Variants in ALK observed in about 807,000 individuals in gnomAD.
ALK encodes ALK tyrosine kinase receptor.
Under a neutral mutation model 163.1 loss-of-function variants are expected in ALK, and 74 were observed. The ratio of observed to expected loss-of-function variants is 0.45; its 90% CI spans 0.38 to 0.55. ALK has a LOEUF of 0.55. ALK is among the 20% of genes least tolerant of loss of function. The probability of loss-of-function intolerance (pLI) is 0.00; values close to 1 mark genes in which losing one functional copy is unlikely to be tolerated. For missense variants in ALK, 2,063 were observed against 2,105.3 expected, an observed-to-expected ratio of 0.98 and a Z score of 0.39; for synonymous variants, 960 against 843.2, an observed-to-expected ratio of 1.14 and a Z score of -2.40.
At chr2:29,261,543 T>G (rs1465455600) in intron 11 of ALK, among the ~76,000 whole-genome samples, 2 of 152,210 alleles carry the variant, frequency 1.3e-5, no homozygotes, top group Non-Finnish European at 2.9e-5. Context: ...TTTCTCTTCC[T>G]GGGCTGCAGG....
At chr2:29,278,486 A>C (rs1171620213) in intron 9 of ALK, among the ~76,000 whole-genome samples, 1 of 152,146 alleles carries the variant, frequency 6.6e-6, no homozygotes, top group Non-Finnish European at 1.5e-5. Flanking sequence ...CACATCTCAC[A>C]CGCCTTCATC....
Position 29,532,079 on chromosome 2 carries a change from C to T in ALK, c.990G>A (p.Lys330=), listed in dbSNP as rs1247687646. ...FLLLNTSADS[K]HTILSPWMRS... ...TCATCCACGGACTCAGGATGGTGTGCTTGGAGTCAGCTGAGGTGTTGAGAA... is the reference window on the plus strand; with the variant it reads ...TCATCCACGGACTCAGGATGGTGTGTTTGGAGTCAGCTGAGGTGTTGAGAA... Residue 330 remains lysine (K), a synonymous_variant, in exon 4 of 29, where the codon AAG becomes AAA. Coordinates refer to ENST00000389048, the MANE Select transcript of ALK (RefSeq NM_004304.5). 1.9e-6 allele frequency: 3 copies of T among 1,613,860 alleles called. No homozygotes were observed. Among genetic ancestry groups the T allele is most frequent in the East Asian group, 2.2e-5 (1 of 44,826 alleles).
chr2:29,464,461 G>T (rs1433651059), intron 4 of ALK, among the ~76,000 whole-genome samples: 1 of 152,132 alleles, frequency 6.6e-6, no homozygotes, highest in Non-Finnish European at 1.5e-5. Flanking sequence ...GCATTATTGT[G>T]TTCAAACACA....
chr2:29,602,135 T>C (rs1675395935), intron 3 of ALK, among the ~76,000 whole-genome samples: 1 of 152,196 alleles, frequency 6.6e-6, no homozygotes, highest in Admixed American at 6.5e-5. Flanking sequence ...TATTTTTGTT[T>C]TTTTCTTGAT....
chr2:29,360,693 T>G (rs1057297933), intron 5 of ALK, among the ~76,000 whole-genome samples: 5 of 152,130 alleles, frequency 3.3e-5, no homozygotes, highest in Admixed American at 1.3e-4. Flanking sequence ...CTAGGAATTG[T>G]GGTGAAGCAT....
intron 3 of ALK, among the ~76,000 whole-genome samples, chr2:29,635,219 T>C (rs1249903557): frequency 1.3e-5 from 2 of 152,180 alleles, no homozygotes; most frequent in East Asian, 1.9e-4. Flanking sequence ...AATAGATATA[T>C]AGGTTTGTAA....
chr2:29,477,119 A>G (rs1671545188), intron 4 of ALK, among the ~76,000 whole-genome samples: 1 of 152,160 alleles, frequency 6.6e-6, no homozygotes, highest in African/African-American at 2.4e-5. Flanking sequence ...AGTTGAGCTG[A>G]GCAGTGCAGG....
chr2:29,387,340 T>C (rs920770480), intron 4 of ALK, among the ~76,000 whole-genome samples: 1 of 152,204 alleles, frequency 6.6e-6, no homozygotes, highest in African/African-American at 2.4e-5. Context: ...TTTGCATGAA[T>C]TTTTTGAGAA....
intron 2 of ALK, among the ~76,000 whole-genome samples, chr2:29,714,176 T>G (rs1291454736): frequency 6.6e-6 from 1 of 152,088 alleles, no homozygotes; most frequent in Non-Finnish European, 1.5e-5. Context: ...AAAAATAAAG[T>G]CTTTCTTTAG....
chr2:29,806,241 C>T (rs1186224929), intron 1 of ALK, among the ~76,000 whole-genome samples: 1 of 151,996 alleles, frequency 6.6e-6, no homozygotes, highest in Non-Finnish European at 1.5e-5. Context: ...ACACGGTGTG[C>T]GTGTGTGCAT....
chr2:29,918,582 C>T (rs1667896750), intron 1 of ALK, among the ~76,000 whole-genome samples: 1 of 152,178 alleles, frequency 6.6e-6, no homozygotes, highest in Non-Finnish European at 1.5e-5. Context: ...GTGTCACTAA[C>T]ACTAATGTTG....
At chr2:29,817,005 C>G (rs1235447278) in intron 1 of ALK, among the ~76,000 whole-genome samples, 1 of 152,170 alleles carries the variant, frequency 6.6e-6, no homozygotes, top group African/African-American at 2.4e-5. Context: ...TGCGTATGAA[C>G]TCATTACATC....
intron 1 of ALK, among the ~76,000 whole-genome samples, chr2:29,756,900 C>T (rs951714204): frequency 6.6e-6 from 1 of 152,332 alleles, no homozygotes; most frequent in South Asian, 2.1e-4. Context: ...ATCACTAAGA[C>T]TCTCACTCCA....
intron 3 of ALK, among the ~76,000 whole-genome samples, chr2:29,556,414 A>C (rs960231349): frequency 6.6e-6 from 1 of 152,228 alleles, no homozygotes; most frequent in Non-Finnish European, 1.5e-5. Flanking sequence ...TATTATTGTC[A>C]TCACAGTCCT....
intron 1 of ALK, among the ~76,000 whole-genome samples, chr2:29,757,692 G>A (rs940574286): frequency 6.6e-6 from 1 of 152,026 alleles, no homozygotes; most frequent in Non-Finnish European, 1.5e-5. Flanking sequence ...ATCCACTAGA[G>A]CAGAGGTCAG....
intron 4 of ALK, among the ~76,000 whole-genome samples, chr2:29,465,193 C>T (rs767791032): frequency 2.0e-5 from 3 of 152,014 alleles, no homozygotes; most frequent in Admixed American, 6.6e-5. Flanking sequence ...AAAAGAGATA[C>T]AATATATGCA....
At chr2:29,818,038 G>T (rs2148376329) in intron 1 of ALK, among the ~76,000 whole-genome samples, 1 of 152,274 alleles carries the variant, frequency 6.6e-6, no homozygotes, top group African/African-American at 2.4e-5. Context: ...TCTCCACAGA[G>T]AACAAAGTGC....
chr2:29,272,653 C>T (rs1239203125), intron 11 of ALK, among the ~76,000 whole-genome samples: 8 of 152,244 alleles, frequency 5.3e-5, no homozygotes, highest in Admixed American at 5.2e-4. Context: ...CCACCTCGTT[C>T]CAGCCCAGCA....
chr2:29,538,659 A>G (rs1673327904), intron 3 of ALK, among the ~76,000 whole-genome samples: 1 of 152,142 alleles, frequency 6.6e-6, no homozygotes, highest in Admixed American at 6.5e-5. Flanking sequence ...AATAGTACAG[A>G]ATTGCTTATA....
Sources: gnomAD v4.1 joint callset for allele counts (sites outside exome capture counted in the v4.1 genomes callset) on GRCh38, gnomAD v4.1.1 for gene constraint, MANE v1.5 for transcripts, NCBI Gene and HGNC (gene_info 2026-07-23, HGNC 2026-07-21) for gene names.